The following NUP98 variants were observed in gnomAD, a reference collection of about 807,000 sequenced individuals.
The protein encoded by NUP98 is nucleoporin 98 and 96 precursor.
A neutral mutation model predicts 191.9 loss-of-function variants in NUP98; 26 were observed. That is an observed-to-expected ratio of 0.14 (90% CI 0.10 to 0.19). NUP98 has a LOEUF of 0.19. NUP98 is among the 10% of genes least tolerant of loss of function. The pLI is 1.00. For missense variants in NUP98, 1,941 were observed against 2,178.8 expected (o/e 0.89, Z 2.17); for synonymous variants, 808 against 778.4 (o/e 1.04, Z -0.63).
At chr11:3,679,492 A>G (rs745747251) in intron 31 of NUP98, 62 bp downstream of exon 31, 2 of 1,570,758 alleles carry the variant, frequency 1.3e-6, no homozygotes, top group South Asian at 2.2e-5. Context: ...CTTGTGAGGT[A>G]TCTGAAGATT....
Position 3,757,098 on chromosome 11 carries a change from T to A in NUP98, c.1174+3441A>T, listed in dbSNP as rs573939868. Among the ~76,000 whole-genome samples the A allele has an allele frequency of 6.1e-3, 875 of 142,346 alleles. 5 individuals carry two copies. Among genetic ancestry groups the A allele is most frequent in the African/African-American group, 0.015 (551 of 37,320 alleles). The allele number at this position is 142,346 out of a possible 152,430, so 93.4% of individuals were successfully genotyped here. ...GCGAGACTCCATCTCAAAAAAAAAA[T>A]ATATATATATATCTATATATCTATA... On this transcript the variant is annotated intron_variant, in intron 10 of 32. Coordinates refer to ENST00000324932, the MANE Select transcript of NUP98 (RefSeq NM_016320.5).
rs147714129 is a variant in NUP98 at position 3,748,702 on chromosome 11, CAAAAG to C, written c.1268-4058_1268-4054del. On this transcript the variant is annotated intron_variant, in intron 11 of 32. Transcript: ENST00000324932. ...AAGCCTTCCTTAATTTGAATTTGAGCAAAAGAAAAAAAAGAAAAGAAAAGCCTTCC... is the reference window on the plus strand; with the variant it reads ...AAGCCTTCCTTAATTTGAATTTGAGCAAAAAAAAGAAAAGAAAAGCCTTCC... 3.0e-3 allele frequency among the ~76,000 whole-genome samples: 453 copies of C among 151,630 alleles called. 2 individuals are homozygous for C. The highest frequency in any genetic ancestry group is 6.8e-3 in the Middle Eastern group (2 of 294).
rs200777395 is a variant in NUP98, at chr11:3,731,444, A to G, written c.1677T>C (p.Phe559=). ...ATGGTTCATCGTCATCCAGCCCATCAAAGAGATGTGACTTGGCTGTGCCTG... is the reference window on the plus strand; with the variant it reads ...ATGGTTCATCGTCATCCAGCCCATCGAAGAGATGTGACTTGGCTGTGCCTG... The part of the protein sequence containing the change: ...QTTGTAKSHL[F]DGLDDDEPSL... The change falls in exon 14 of 33, where the codon TTT becomes TTC. Residue 559 remains phenylalanine, a synonymous_variant. Coordinates refer to ENST00000324932, the MANE Select transcript of NUP98 (RefSeq NM_016320.5). 1.9e-6 allele frequency: 3 copies of G among 1,607,336 alleles called. No homozygotes were observed. The East Asian group carries it at 6.7e-5, about 36-fold the overall frequency.
chr11:3,688,820 C>CATATACATATATATATATATAT (rs1388681065), intron 28 of NUP98, among the ~76,000 whole-genome samples: 69 of 136,248 alleles, frequency 5.1e-4, no homozygotes, highest in African/African-American at 1.8e-3. Context: ...TTTAAATATA[C>CATATACATATATATATATATAT]ATATATATAT....
chr11:3,759,183 C>A (rs1348927905), intron 10 of NUP98, among the ~76,000 whole-genome samples: 1 of 152,186 alleles, frequency 6.6e-6, no homozygotes, highest in African/African-American at 2.4e-5. Context: ...ATGTATCTGG[C>A]ACACAAAATC....
At chr11:3,743,320 A>C (rs980661271) in intron 12 of NUP98, among the ~76,000 whole-genome samples, 14 of 149,966 alleles carry the variant, frequency 9.3e-5, no homozygotes, top group African/African-American at 3.2e-4. Context: ...TCCAGCCCAT[A>C]ATTTTCTTTA....
intron 4 of NUP98, among the ~76,000 whole-genome samples, chr11:3,778,169 A>C (rs1443799525): frequency 2.8e-5 from 4 of 143,564 alleles, no homozygotes; most frequent in Non-Finnish European, 6.0e-5. Flanking sequence ...ACTACACTCC[A>C]GCCTGGGTGA....
Position 3,675,538 on chromosome 11 carries a change from A to C in NUP98, c.*621T>G, listed in dbSNP as rs893366464. 94 of 233,846 alleles carry C rather than the reference A, an allele frequency of 4.0e-4. No individual in the cohort carries two copies. The highest frequency in any genetic ancestry group is 1.6e-3 in the African/African-American group (73 of 45,146). 14.5% of individuals were successfully genotyped at this position (233,846 alleles called of 1,614,324 possible). ...AAGGTATGGTGTTCATGGAACTCTA[A>C]AGGCAGGAACAAAAACAGCCCTGAA... On this transcript the variant is annotated 3_prime_UTR_variant, in exon 33 of 33. Transcript: ENST00000324932.
chr11:3,764,803 C>T (rs1406023325), intron 8 of NUP98, among the ~76,000 whole-genome samples: 1 of 152,252 alleles, frequency 6.6e-6, no homozygotes, highest in Admixed American at 6.5e-5. Flanking sequence ...TAATCTCGAA[C>T]TCCTGACCTC....
In NUP98 at chr11:3,735,329, TAAAA is replaced by T; in HGVS notation, c.1409-9_1409-6del. 1.9e-6 allele frequency: 2 copies of T among 1,079,392 alleles called. No individual in the cohort carries two copies. The highest frequency in any genetic ancestry group is 2.4e-6 in the Non-Finnish European group (2 of 818,068). The allele number at this position is 1,079,392 out of a possible 1,614,324, so 66.9% of individuals were successfully genotyped here. A position where few individuals can be genotyped will look rare whatever the true frequency, so the allele number is the denominator to read the frequency against. On this transcript the variant is annotated splice_region_variant and splice_polypyrimidine_tract_variant and intron_variant, in intron 12 of 32. Transcript: ENST00000324932. The stretch of plus-strand genomic sequence containing the variant: ...AAGCATTTGGATCTGTCAAAGCTTT[TAAAA>T]AAAAAAAAAGAAAACAAAATATATA...
intron 16 of NUP98, among the ~76,000 whole-genome samples, chr11:3,721,476 T>G (rs564544934): frequency 6.6e-6 from 1 of 152,108 alleles, no homozygotes; most frequent in South Asian, 2.1e-4. Flanking sequence ...GGTGAGTAAA[T>G]CACTTGAGGC....
chr11:3,704,177 T>C (rs1376584337), intron 22 of NUP98, among the ~76,000 whole-genome samples: 1 of 152,198 alleles, frequency 6.6e-6, no homozygotes, highest in Non-Finnish European at 1.5e-5. Flanking sequence ...CAAAGGGAAG[T>C]TAAAAATATT....
chr11:3,733,400 C>T (rs2079919497), intron 13 of NUP98, among the ~76,000 whole-genome samples: 1 of 152,204 alleles, frequency 6.6e-6, no homozygotes, highest in African/African-American at 2.4e-5. Flanking sequence ...CAATCTCCAC[C>T]TCCCAGGTTC....
Position 3,676,546 on chromosome 11 carries a change from A to C in NUP98, c.5148T>G (p.Ile1716Met). ...GGCGATCTTTAGCACTGTAACACTG[A>C]ATCTGCTCTATCCGACTGCACAGTG... is the stretch of plus-strand genomic sequence containing the variant. ...VTSLCSRIEQIQCYSAKDRLA... is the reference protein window; with the variant it reads ...VTSLCSRIEQMQCYSAKDRLA... Residue 1716 changes from isoleucine (I) to methionine (M), a missense_variant, in exon 32 of 33, where the codon ATT becomes ATG. By Grantham distance (10) the Ile-to-Met change is conservative. This residue lies in a region of NUP98 where 1,030 missense variants were observed against 1,115.8 expected (regional missense o/e 0.92). Coordinates refer to ENST00000324932, the MANE Select transcript of NUP98 (RefSeq NM_016320.5). The C allele has an allele frequency of 6.2e-7, 1 of 1,614,208 alleles. No individual in the cohort carries two copies. Among genetic ancestry groups the C allele is most frequent in the South Asian group, 1.1e-5 (1 of 91,090 alleles).
intron 8 of NUP98, 94 bp from the exon 9 acceptor site, chr11:3,763,133 C>A: frequency 2.6e-6 from 3 of 1,167,778 alleles, no homozygotes; most frequent in Non-Finnish European, 3.7e-6. Context: ...TTTTTTCAAG[C>A]TTATATGACA....
intron 26 of NUP98, 128 bp downstream of exon 26, chr11:3,695,321 T>C: frequency 1.3e-6 from 1 of 787,158 alleles, no homozygotes; most frequent in Admixed American, 3.0e-5. Flanking sequence ...ATTTGAAAAT[T>C]GTCCAATGTG....
At chr11:3,743,644 C>G (rs575880660) in intron 12 of NUP98, among the ~76,000 whole-genome samples, 1 of 117,576 alleles carries the variant, frequency 8.5e-6, no homozygotes, top group South Asian at 3.0e-4. Context: ...GAAACTCCAT[C>G]TCAAAAAAAA....
At chr11:3,734,327 C>T (rs190016369) in intron 13 of NUP98, among the ~76,000 whole-genome samples, 212 of 152,192 alleles carry the variant, frequency 1.4e-3, no homozygotes, top group African/African-American at 4.9e-3. Flanking sequence ...GCCACTGCGC[C>T]GGGCAGATCC....
intron 30 of NUP98, among the ~76,000 whole-genome samples, chr11:3,682,482 C>T (rs973467775): frequency 1.3e-5 from 2 of 152,090 alleles, no homozygotes; most frequent in Admixed American, 1.3e-4. Context: ...GGCCTAATTT[C>T]GTGATTATTG....
Sources: allele counts gnomAD v4.1 joint callset (sites outside exome capture counted in the v4.1 genomes callset), GRCh38; gene constraint gnomAD v4.1.1; regional missense constraint gnomAD v4.1.1; transcripts MANE v1.5; gene names NCBI Gene and HGNC (gene_info 2026-07-23, HGNC 2026-07-21).